AHRR: variants seen among roughly 807,000 people sequenced by gnomAD.
The protein encoded by AHRR is ahR repressor.
Under a neutral mutation model 44.0 loss-of-function variants are expected in AHRR, and 28 were observed. The ratio of observed to expected loss-of-function variants is 0.64; its 90% CI spans 0.47 to 0.87. The LOEUF is 0.87. Among genes scored for constraint, AHRR ranks in the 40% least tolerant of loss-of-function variants. AHRR has a pLI of 0.00. For synonymous variants in AHRR, 434 were observed against 407.0 expected, an observed-to-expected ratio of 1.07 and a Z score of -0.80; for missense variants, 990 against 953.9, an observed-to-expected ratio of 1.04 and a Z score of -0.50.
rs372838549 is a variant in AHRR, at chr5:372,806, G to C, written c.245-3804G>C. Reference sequence around the variant, plus strand: ...GCCTTCTGGCTCCTCCTCCACCAGGGACTGTGGGTCAGACCGAGTCACAGG... The same window carrying C: ...GCCTTCTGGCTCCTCCTCCACCAGGCACTGTGGGTCAGACCGAGTCACAGG... On this transcript the variant is annotated intron_variant, in intron 3 of 10. Coordinates refer to ENST00000684583, the MANE Select transcript of AHRR (RefSeq NM_001377236.1). Among the ~76,000 whole-genome samples, 214 of 152,330 alleles carry C rather than the reference G, an allele frequency of 1.4e-3. 3 individuals carry two copies. In the South Asian group the frequency reaches 0.041, roughly 30 times the overall value.
rs1309900069 is a variant in AHRR at position 387,596 on chromosome 5, G to T, written c.351+10880G>T. On this transcript the variant is annotated intron_variant, in intron 4 of 10. Transcript: ENST00000684583. This position sits in a 1 kb window ranked among gnomAD's most constrained non-coding sequence, Gnocchi z 5.1. Reference sequence around the variant, plus strand: ...TTCACCCTGTCTGCTGAGGGATGAGGCACTGTTGGAGGTCCTGGGACAGGG... The same window carrying T: ...TTCACCCTGTCTGCTGAGGGATGAGTCACTGTTGGAGGTCCTGGGACAGGG... Among the ~76,000 whole-genome samples, 1 of 152,230 alleles carries T rather than the reference G, an allele frequency of 6.6e-6. No individual in the cohort carries two copies. Among genetic ancestry groups the T allele is most frequent in the Non-Finnish European group, 1.5e-5 (1 of 68,046 alleles).
At chr5:335,519 G>A (rs1262449914) in intron 1 of AHRR, among the ~76,000 whole-genome samples, 2 of 152,150 alleles carry the variant, frequency 1.3e-5, no homozygotes, top group Non-Finnish European at 2.9e-5. Flanking sequence ...GGCTGGGGAA[G>A]GGGGATGCTG....
chr5:409,465 G>A (rs537421542), intron 4 of AHRR, among the ~76,000 whole-genome samples: 35 of 152,244 alleles, frequency 2.3e-4, no homozygotes, highest in African/African-American at 7.2e-4. Flanking sequence ...TCTCTTCCTC[G>A]CCAGTATTCA....
intron 2 of AHRR, among the ~76,000 whole-genome samples, chr5:345,355 G>A (rs777730706): frequency 1.1e-3 from 47 of 42,322 alleles, no homozygotes; most frequent in African/African-American, 1.4e-3. Flanking sequence ...TGTGTGTGTC[G>A]GATGATGTCC....
Position 424,012 on chromosome 5 carries a change from C to T in AHRR, c.708+35C>T. On this transcript the variant is annotated intron_variant, in intron 7 of 10. Coordinates refer to ENST00000684583, the MANE Select transcript of AHRR (RefSeq NM_001377236.1). ...TGGGTCCCTGGCAGGGGGCTCCCGA[C>T]ATCTGGGATGCATTCTACCCTGGTG... 3 of 1,582,210 alleles carry T rather than the reference C, an allele frequency of 1.9e-6. No individual in the cohort carries two copies. In the East Asian group the frequency reaches 6.7e-5, roughly 35 times the overall value.
At chr5:429,729 C>T (rs962342830) in intron 8 of AHRR, among the ~76,000 whole-genome samples, 2 of 152,230 alleles carry the variant, frequency 1.3e-5, no homozygotes, top group Admixed American at 6.5e-5. Flanking sequence ...TCTTAGCAGG[C>T]GTCGAATTCA....
chr5:330,869 ATTTTT>A (rs34221385), intron 1 of AHRR, among the ~76,000 whole-genome samples: 9 of 97,438 alleles, frequency 9.2e-5, no homozygotes, highest in African/African-American at 3.5e-4. Context: ...ATAATTCAGC[ATTTTT>A]TTTTTTTTTT....
chr5:365,701 A>C (rs751788548), intron 3 of AHRR, among the ~76,000 whole-genome samples: 29 of 152,010 alleles, frequency 1.9e-4, no homozygotes, highest in Non-Finnish European at 3.5e-4. Context: ...AAGCAGTATT[A>C]GGAATATAAA....
chr5:414,842 T>C (rs917247262), intron 5 of AHRR, among the ~76,000 whole-genome samples: 13 of 152,270 alleles, frequency 8.5e-5, no homozygotes, highest in Non-Finnish European at 2.9e-5. Context: ...AACAGTTTTA[T>C]AGAAAGACTT....
At chr5:379,219 CTTG>C (rs1480224513) in intron 4 of AHRR, among the ~76,000 whole-genome samples, 1 of 152,194 alleles carries the variant, frequency 6.6e-6, no homozygotes, top group African/African-American at 2.4e-5. Context: ...CAGCTGGTTT[CTTG>C]TTGTTGCTGC....
chr5:366,948 C>T (rs942771838), intron 3 of AHRR, among the ~76,000 whole-genome samples: 4 of 152,296 alleles, frequency 2.6e-5, no homozygotes, highest in South Asian at 4.2e-4. Context: ...GGCAGTGTGG[C>T]GATGGCTGCT....
In AHRR at chr5:342,696, A is replaced by C. The variant is rs1435718595; in HGVS notation, c.-10-1197A>C. ...TTCCTCCCCAAGGCTTCTGGCCCAGAGCCTGGCACGGGATGGTTACTGCAC... is the reference window on the plus strand; with the variant it reads ...TTCCTCCCCAAGGCTTCTGGCCCAGCGCCTGGCACGGGATGGTTACTGCAC... On this transcript the variant is annotated intron_variant, in intron 1 of 10. Coordinates refer to ENST00000684583, the MANE Select transcript of AHRR (RefSeq NM_001377236.1). This position sits in a 1 kb window ranked among gnomAD's most constrained non-coding sequence, Gnocchi z 4.3. Among the ~76,000 whole-genome samples, 1 of 152,200 alleles carries C rather than the reference A, an allele frequency of 6.6e-6. No homozygotes were observed. Among genetic ancestry groups the C allele is most frequent in the Non-Finnish European group, 1.5e-5 (1 of 68,044 alleles).
In AHRR at chr5:367,911, G is replaced by A. The variant is rs751789589; in HGVS notation, c.245-8699G>A. On this transcript the variant is annotated intron_variant, in intron 3 of 10. Transcript: ENST00000684583. ...CCCGAGCATTGGACACCCAGGCCCT[G>A]AGACGTACTCAGTTCGGTCTGCATC... 5.7e-6 allele frequency: 4 copies of A among 702,604 alleles called. No homozygotes were observed. The South Asian group carries it at 5.9e-5, about 10-fold the overall frequency. 43.5% of individuals were successfully genotyped at this position (702,604 alleles called of 1,614,324 possible).
At chr5:423,090 C>G (rs1376970632) in intron 6 of AHRR, among the ~76,000 whole-genome samples, 1 of 152,190 alleles carries the variant, frequency 6.6e-6, no homozygotes, top group African/African-American at 2.4e-5. Flanking sequence ...TGGTTGCTTT[C>G]CTGGGCTCTG....
rs1428266457 is a variant in AHRR at position 420,793 on chromosome 5, G to GCACGCAGCCACGCAGCCACCCACC, written c.442-1924_442-1901dup. The GCACGCAGCCACGCAGCCACCCACC allele has an allele frequency of 2.3e-5, 2 of 87,506 alleles. 1 individual carries two copies. Among genetic ancestry groups the GCACGCAGCCACGCAGCCACCCACC allele is most frequent in the Non-Finnish European group, 4.0e-5 (2 of 49,462 alleles). 5.4% of individuals were successfully genotyped at this position (87,506 alleles called of 1,614,324 possible). ...AGAAAGAGACACCTCCGCGCTGCACGCACGCAGCCACGCAGCCACCCACCC... is the reference window on the plus strand; with the variant it reads ...AGAAAGAGACACCTCCGCGCTGCACGCACGCAGCCACGCAGCCACCCACCCACGCAGCCACGCAGCCACCCACCC... On this transcript the variant is annotated intron_variant, in intron 5 of 10. Coordinates refer to ENST00000684583, the MANE Select transcript of AHRR (RefSeq NM_001377236.1).
At chr5:368,088 G>T in intron 3 of AHRR, 1 of 597,196 alleles carries the variant, frequency 1.7e-6, no homozygotes, top group Non-Finnish European at 3.0e-6. Context: ...ATTTACCTAC[G>T]AATTCATTAT....
At position 404,022 on chromosome 5, in the gene AHRR, C is replaced by T. The variant is rs1735149443; in HGVS notation, c.352-9322C>T. On this transcript the variant is annotated intron_variant, in intron 4 of 10. Transcript: ENST00000684583. This position sits in a 1 kb window ranked among gnomAD's most constrained non-coding sequence, Gnocchi z 4.1. ...TTCGAACTTGGTGTTTTTTCTTAAT[C>T]CACGGCTGAATCTGTTTAGTCTTTG... 2.4e-6 allele frequency: 2 copies of T among 824,764 alleles called. No individual in the cohort carries two copies. The allele number at this position is 824,764 out of a possible 1,614,324, so 51.1% of individuals were successfully genotyped here.
chr5:356,173 A>G (rs1175972030), intron 3 of AHRR, among the ~76,000 whole-genome samples: 1 of 152,146 alleles, frequency 6.6e-6, no homozygotes, highest in Non-Finnish European at 1.5e-5. Context: ...TTTACTATTC[A>G]CACCAGGGGA....
chr5:418,385 C>G (rs1735919437), intron 5 of AHRR, among the ~76,000 whole-genome samples: 2 of 152,218 alleles, frequency 1.3e-5, no homozygotes, highest in South Asian at 2.1e-4. Context: ...AAACACAGAA[C>G]TTTGTTCCCT....
Sources: allele counts gnomAD v4.1 joint callset (sites outside exome capture counted in the v4.1 genomes callset), GRCh38; gene constraint gnomAD v4.1.1; non-coding constraint Gnocchi (gnomAD v3.1); transcripts MANE v1.5; gene names NCBI Gene and HGNC (gene_info 2026-07-23, HGNC 2026-07-21).